CAPN3: variants seen among roughly 807,000 people sequenced by gnomAD.
CAPN3 encodes the protein calpain-3.
In CAPN3, 88 loss-of-function variants were observed where a neutral mutation model predicts 114.0. The observed-to-expected ratio is 0.77, with a 90% confidence interval of 0.65 to 0.92. CAPN3 has a LOEUF of 0.92. Among genes scored for constraint, CAPN3 ranks in the 40% least tolerant of loss-of-function variants. The probability of loss-of-function intolerance (pLI) is 0.00; values close to 1 mark genes in which losing one functional copy is unlikely to be tolerated. For missense variants in CAPN3, 1,028 were observed against 1,069.0 expected, an observed-to-expected ratio of 0.96 and a Z score of 0.53; for synonymous variants, 386 against 382.9, an observed-to-expected ratio of 1.01 and a Z score of -0.09.
intron 10 of CAPN3, among the ~76,000 whole-genome samples, 168 bp from the exon 11 acceptor site, chr15:42,401,472 CG>C (rs1302610943): frequency 1.1e-4 from 8 of 74,432 alleles, no homozygotes; most frequent in Admixed American, 1.5e-4. Context: ...ATAAAGGTAG[CG>C]CCCCCCCCCC....
intron 10 of CAPN3, among the ~76,000 whole-genome samples, chr15:42,400,279 A>G (rs1231794796): frequency 1.3e-5 from 2 of 152,236 alleles, no homozygotes; most frequent in African/African-American, 4.8e-5. Flanking sequence ...AGCTGCTGCA[A>G]TAGTTCAAGT....
chr15:42,364,426 C>T (rs1395828479), intron 1 of CAPN3, among the ~76,000 whole-genome samples: 4 of 152,222 alleles, frequency 2.6e-5, no homozygotes, highest in African/African-American at 9.7e-5. Flanking sequence ...AGCAGCTATG[C>T]AGTCTCTTAA....
chr15:42,397,999 C>T (rs2053749800), intron 9 of CAPN3, among the ~76,000 whole-genome samples: 1 of 151,898 alleles, frequency 6.6e-6, no homozygotes, highest in Non-Finnish European at 1.5e-5. Context: ...CCATCCTGGG[C>T]AACAGAGCAA....
rs186558722 is a variant in CAPN3, at chr15:42,372,949, G to A, written c.310-11534G>A. ...CACACCTGCAATCCCAGCACTTTGG[G>A]AGGCTGAAACGGGCAGATCACCTGA... is the stretch of plus-strand genomic sequence containing the variant. On this transcript the variant is annotated intron_variant, in intron 1 of 23. Coordinates refer to ENST00000397163, the MANE Select transcript of CAPN3 (RefSeq NM_000070.3). Among the ~76,000 whole-genome samples the A allele has an allele frequency of 5.3e-5, 8 of 152,282 alleles. No individual in the cohort carries two copies. In the East Asian group the frequency reaches 1.5e-3, roughly 29 times the overall value.
At chr15:42,388,791 A>G (rs1205503078) in intron 4 of CAPN3, 137 bp from the exon 5 acceptor site, 9 of 796,280 alleles carry the variant, frequency 1.1e-5, no homozygotes, top group African/African-American at 1.0e-4. Flanking sequence ...TTTCCATCCC[A>G]TGAGCTCATA....
chr15:42,384,140 G>A lies in CAPN3; in HGVS notation c.310-343G>A, dbSNP rs150373766. On this transcript the variant is annotated intron_variant, in intron 1 of 23. Transcript: ENST00000397163. The stretch of plus-strand genomic sequence containing the variant: ...TAAATAATAGCTACTGCGGCCGGGC[G>A]CGGTGGCTCACATCTGTAATCCCAG... Among the ~76,000 whole-genome samples the A allele has an allele frequency of 4.5e-3, 689 of 152,186 alleles. 5 individuals are homozygous for A. Among genetic ancestry groups the A allele is most frequent in the African/African-American group, 0.015 (620 of 41,528 alleles).
In CAPN3 at chr15:42,404,432, T is replaced by C; in HGVS notation, c.1782+655T>C. 3 of 456,550 alleles carry C rather than the reference T, an allele frequency of 6.6e-6. No homozygotes were observed. The Middle Eastern group carries it at 9.8e-4, about 149-fold the overall frequency. 28.3% of individuals were successfully genotyped at this position (456,550 alleles called of 1,614,324 possible). A position where few individuals can be genotyped will look rare whatever the true frequency, so the allele number is the denominator to read the frequency against. Reference sequence around the variant, plus strand: ...TGCTGAGAGGTAGATGGGGTTATAATCCCTGGTGTTCAAGAAAGGAAGCAG... The same window carrying C: ...TGCTGAGAGGTAGATGGGGTTATAACCCCTGGTGTTCAAGAAAGGAAGCAG... On this transcript the variant is annotated intron_variant, in intron 14 of 23. Transcript: ENST00000397163.
chr15:42,385,509 ATT>A (rs199567211), intron 2 of CAPN3, among the ~76,000 whole-genome samples: 10 of 150,554 alleles, frequency 6.6e-5, no homozygotes, highest in African/African-American at 2.5e-4. Flanking sequence ...TACACCCCCT[ATT>A]ATATATATAT....
At position 42,399,613 on chromosome 15, in the gene CAPN3, G is replaced by A. The variant is rs1486680162; in HGVS notation, c.1315G>A (p.Val439Ile). 5.0e-6 allele frequency: 8 copies of A among 1,612,332 alleles called. No individual in the cohort carries two copies. Among genetic ancestry groups the A allele is most frequent in the Non-Finnish European group, 6.8e-6 (8 of 1,179,198 alleles). ...AGTGTCTGTGAACGAGGGCCGCTGG[G>A]TACGGGGTTGCTCTGCCGGAGGCTG... ...WTVSVNEGRWVRGCSAGGCRN... is the reference protein window; with the variant it reads ...WTVSVNEGRWIRGCSAGGCRN... Residue 439 changes from valine (V) to isoleucine (I), a missense_variant, in exon 10 of 24, where the codon GTA becomes ATA. Coordinates refer to ENST00000397163, the MANE Select transcript of CAPN3 (RefSeq NM_000070.3).
chr15:42,396,400 G>A (rs2053691771), intron 8 of CAPN3, among the ~76,000 whole-genome samples: 1 of 152,022 alleles, frequency 6.6e-6, no homozygotes. Context: ...CCGCCACCAC[G>A]CCCAGCTAAT....
intron 12 of CAPN3, 38 bp downstream of exon 12, chr15:42,402,173 C>T: frequency 6.2e-7 from 1 of 1,613,922 alleles, no homozygotes; most frequent in Non-Finnish European, 8.5e-7. Flanking sequence ...GTGTGCAGCA[C>T]TACCCAGGGG....
At position 42,394,268 on chromosome 15, in the gene CAPN3, G is replaced by A; in HGVS notation, c.1042G>A (p.Gly348Ser). ...VTGLDEVPFK[G>S]EKVKLVRLRN... Reference sequence around the variant, plus strand: ...CTGTGTGCTTAAGGTCCCGTTCAAAGGTGAGAAAGTGAAGCTGGTGCGGCT... The same window carrying A: ...CTGTGTGCTTAAGGTCCCGTTCAAAAGTGAGAAAGTGAAGCTGGTGCGGCT... Residue 348 changes from glycine to serine, a missense_variant, in exon 8 of 24, where the codon GGT becomes AGT. By Grantham distance (56) the Gly-to-Ser change is moderately conservative. Transcript: ENST00000397163. 6.4e-7 allele frequency: 1 copy of A among 1,558,718 alleles called. No individual in the cohort carries two copies.
At chr15:42,391,227 TC>T (rs1490226005) in intron 6 of CAPN3, among the ~76,000 whole-genome samples, 2 of 152,262 alleles carry the variant, frequency 1.3e-5, no homozygotes, top group Admixed American at 1.3e-4. Context: ...TTCTTTTTTT[TC>T]TTTGTTTTGT....
chr15:42,398,897 G>A (rs1450513220), intron 9 of CAPN3, among the ~76,000 whole-genome samples: 1 of 145,822 alleles, frequency 6.9e-6, no homozygotes, highest in Non-Finnish European at 1.5e-5. Context: ...TGATTCTCCT[G>A]CCTCAGCCTC....
chr15:42,394,171 C>G, intron 7 of CAPN3, 85 bp from the exon 8 acceptor site: 3 of 1,274,270 alleles, frequency 2.4e-6, no homozygotes, highest in Non-Finnish European at 3.4e-6. Context: ...ATTTGCCCCC[C>G]AGCCCCGTCC....
chr15:42,403,062 G>A (rs2053920305), intron 13 of CAPN3, 60 bp downstream of exon 13: 2 of 1,445,540 alleles, frequency 1.4e-6, no homozygotes, highest in Admixed American at 3.4e-5. Flanking sequence ...CACTCCAGAG[G>A]TTGAAGGCAT....
intron 11 of CAPN3, 102 bp downstream of exon 11, chr15:42,401,912 G>A (rs2053883651): frequency 7.3e-7 from 1 of 1,373,204 alleles, no homozygotes; most frequent in South Asian, 1.2e-5. Flanking sequence ...AATACCCAGT[G>A]ACCCACAGAG....
At position 42,387,854 on chromosome 15, in the gene CAPN3, C is replaced by T; in HGVS notation, c.600C>T (p.Phe200=). ...VFTKSNHRNE[F]WSALLEKAYA... ...CCAAGTCCAACCACCGCAATGAGTT[C>T]TGGAGTGCTCTGCTGGAGAAGGCTT... Residue 200 remains phenylalanine (F), a synonymous_variant, in exon 4 of 24, where the codon TTC becomes TTT. Coordinates refer to ENST00000397163, the MANE Select transcript of CAPN3 (RefSeq NM_000070.3). 4 of 1,614,126 alleles carry T rather than the reference C, an allele frequency of 2.5e-6. No homozygotes were observed. The highest frequency in any genetic ancestry group is 1.1e-5 in the South Asian group (1 of 91,082).
In CAPN3 at chr15:42,402,871, C is replaced by T. The variant is rs2141202992; in HGVS notation, c.1614C>T (p.Ile538=). 2.5e-6 allele frequency: 4 copies of T among 1,614,210 alleles called. No individual in the cohort carries two copies. The highest frequency in any genetic ancestry group is 3.4e-6 in the Non-Finnish European group (4 of 1,180,020). Residue 538 remains isoleucine (I), a synonymous_variant, in exon 13 of 24, where the codon ATC becomes ATT. Coordinates refer to ENST00000397163, the MANE Select transcript of CAPN3 (RefSeq NM_000070.3). ...NASKARSKTY[I]NMREVSQRFR... The stretch of plus-strand genomic sequence containing the variant: ...CCAAGGCCAGGAGCAAAACCTACAT[C>T]AACATGCGGGAGGTGTCCCAGCGCT...
Sources: gnomAD v4.1 joint callset for allele counts (sites outside exome capture counted in the v4.1 genomes callset) on GRCh38, gnomAD v4.1.1 for gene constraint, MANE v1.5 for transcripts, NCBI Gene and HGNC (gene_info 2026-07-23, HGNC 2026-07-21) for gene names.